The following DOCK4 variants were observed in gnomAD, a reference collection of about 807,000 sequenced individuals.
DOCK4 encodes dedicator of cytokinesis protein 4.
In DOCK4, 97 loss-of-function variants were observed where a neutral mutation model predicts 268.1. The observed-to-expected ratio is 0.36, with a 90% confidence interval of 0.31 to 0.43. The LOEUF is 0.43. Among genes scored for constraint, DOCK4 ranks in the 20% least tolerant of loss-of-function variants. DOCK4 has a pLI of 1.00. For missense variants in DOCK4, 2,145 were observed against 2,455.7 expected (o/e 0.87, Z 2.67); for synonymous variants, 954 against 887.2 (o/e 1.08, Z -1.34).
intron 10 of DOCK4, among the ~76,000 whole-genome samples, chr7:111,941,874 T>C (rs904182857): frequency 3.3e-5 from 5 of 152,008 alleles, no homozygotes; most frequent in African/African-American, 9.7e-5. Context: ...CACTTAACAC[T>C]CTCCAACAAG....
chr7:111,904,288 G>T (rs1461648559), intron 13 of DOCK4, among the ~76,000 whole-genome samples: 1 of 152,194 alleles, frequency 6.6e-6, no homozygotes, highest in Non-Finnish European at 1.5e-5. Context: ...AGATTCAGTA[G>T]TGAATACAGC....
chr7:111,833,510 C>T (rs983698093), intron 26 of DOCK4, among the ~76,000 whole-genome samples: 1 of 151,572 alleles, frequency 6.6e-6, no homozygotes, highest in African/African-American at 2.4e-5. Flanking sequence ...TACTACTGCA[C>T]TCCAGCCTGA....
intron 1 of DOCK4, among the ~76,000 whole-genome samples, chr7:112,048,486 C>T (rs1468550423): frequency 6.6e-6 from 1 of 151,222 alleles, no homozygotes; most frequent in Non-Finnish European, 1.5e-5. Flanking sequence ...TCGCTTGACC[C>T]CAGGAGGCAG....
At chr7:111,956,903 C>T (rs1393966336) in intron 8 of DOCK4, among the ~76,000 whole-genome samples, 1 of 152,126 alleles carries the variant, frequency 6.6e-6, no homozygotes, top group Admixed American at 6.5e-5. Context: ...ATTTCCATTC[C>T]AATAGCTTTT....
intron 1 of DOCK4, among the ~76,000 whole-genome samples, chr7:112,188,119 G>C (rs979644435): frequency 6.6e-6 from 1 of 152,172 alleles, no homozygotes; most frequent in Non-Finnish European, 1.5e-5. Flanking sequence ...GTACTATAGG[G>C]AATTGCCCAA....
chr7:111,932,413 C>T (rs1794275656), intron 12 of DOCK4, among the ~76,000 whole-genome samples: 2 of 152,052 alleles, frequency 1.3e-5, no homozygotes, highest in Non-Finnish European at 1.5e-5. Context: ...GGAGAAAGAA[C>T]AAGATACACC....
At chr7:111,971,540 C>A (rs1797713112) in intron 8 of DOCK4, 1 of 191,652 alleles carries the variant, frequency 5.2e-6, no homozygotes, top group Non-Finnish European at 1.1e-5. Flanking sequence ...GGATCCATGT[C>A]ATGTGCAGTT....
At chr7:111,840,003 TAAAA>T (rs1803553795) in intron 25 of DOCK4, among the ~76,000 whole-genome samples, 1 of 152,120 alleles carries the variant, frequency 6.6e-6, no homozygotes, top group Non-Finnish European at 1.5e-5. Context: ...CATAATTTAT[TAAAA>T]AGAAATAAAA....
At chr7:111,977,836 A>G (rs2135129110) in intron 7 of DOCK4, among the ~76,000 whole-genome samples, 1 of 152,322 alleles carries the variant, frequency 6.6e-6, no homozygotes, top group South Asian at 2.1e-4. Flanking sequence ...AATAGTTTCT[A>G]ACTTGCTGTG....
In DOCK4 at chr7:111,809,312, C is replaced by A. The variant is rs765295452; in HGVS notation, c.3096G>T (p.Lys1032Asn). The A allele has an allele frequency of 1.9e-6, 3 of 1,557,512 alleles. No individual in the cohort carries two copies. Among genetic ancestry groups the A allele is most frequent in the South Asian group, 2.4e-5 (2 of 84,478 alleles). ...ACACTGATACTTACTTTTCTAACAC[C>A]TTTTTCTTCTTGGAAGGTGTGAACA... The part of the protein sequence containing the change: ...LEMFTPSKKK[K>N]VLEKYGDMRV... The change falls in exon 29 of 53, where the codon AAG becomes AAT. Residue 1032 changes from lysine to asparagine, a missense_variant. By Grantham distance (94) the Lys-to-Asn change is moderately conservative. Transcript: ENST00000428084.
intron 51 of DOCK4, among the ~76,000 whole-genome samples, chr7:111,732,886 C>G (rs1351589731): frequency 6.6e-6 from 1 of 152,210 alleles, no homozygotes; most frequent in Non-Finnish European, 1.5e-5. Context: ...GGTGGTGGGT[C>G]TCTATGGATT....
At chr7:111,824,736 T>G (rs563324079) in intron 26 of DOCK4, among the ~76,000 whole-genome samples, 2 of 152,172 alleles carry the variant, frequency 1.3e-5, no homozygotes, top group African/African-American at 2.4e-5. Context: ...GTATTGCAGG[T>G]GAAGGAGTTG....
chr7:112,145,758 C>T (rs1815419710), intron 1 of DOCK4, among the ~76,000 whole-genome samples: 1 of 151,894 alleles, frequency 6.6e-6, no homozygotes, highest in Non-Finnish European at 1.5e-5. Context: ...AATCTTTTGT[C>T]ATCTGACTTC....
chr7:112,100,638 A>G (rs765289961), intron 1 of DOCK4, among the ~76,000 whole-genome samples: 85 of 152,248 alleles, frequency 5.6e-4, no homozygotes, highest in Non-Finnish European at 1.0e-3. Flanking sequence ...CCAAGATTGC[A>G]TATATCAAAG....
intron 1 of DOCK4, among the ~76,000 whole-genome samples, chr7:112,138,637 C>T (rs1301214789): frequency 2.6e-5 from 4 of 152,206 alleles, no homozygotes; most frequent in African/African-American, 9.6e-5. Context: ...CCATACCCAA[C>T]TCCCCCACAA....
intron 1 of DOCK4, among the ~76,000 whole-genome samples, chr7:112,036,691 C>T (rs1455571406): frequency 4.8e-5 from 7 of 144,550 alleles, no homozygotes; most frequent in South Asian, 2.2e-4. Context: ...GACGGAGTCT[C>T]GCTCCATCGC....
intron 1 of DOCK4, among the ~76,000 whole-genome samples, chr7:112,203,267 C>T (rs1378555208): frequency 2.0e-5 from 3 of 152,154 alleles, no homozygotes; most frequent in Non-Finnish European, 4.4e-5. Context: ...GACAAGGTTC[C>T]CTGTTCCTCA....
chr7:112,084,198 A>G (rs1808854699), intron 1 of DOCK4, among the ~76,000 whole-genome samples: 1 of 152,208 alleles, frequency 6.6e-6, no homozygotes, highest in African/African-American at 2.4e-5. Context: ...ACAGAGAGTG[A>G]GAATGAATGA....
chr7:111,933,109 C>T (rs1244246597), intron 12 of DOCK4, among the ~76,000 whole-genome samples: 5 of 128,090 alleles, frequency 3.9e-5, no homozygotes, highest in South Asian at 2.3e-4. Flanking sequence ...CATATATATA[C>T]GTATATACAC....
Sources: gnomAD v4.1 joint callset for allele counts (sites outside exome capture counted in the v4.1 genomes callset) on GRCh38, gnomAD v4.1.1 for gene constraint, MANE v1.5 for transcripts, NCBI Gene and HGNC (gene_info 2026-07-23, HGNC 2026-07-21) for gene names.